The following PIK3R4 variants were observed in gnomAD, a reference collection of about 807,000 sequenced individuals.
The protein encoded by PIK3R4 is phosphoinositide-3-kinase regulatory subunit 4, also known as phosphoinositide 3-kinase regulatory subunit 4.
In PIK3R4, 46 loss-of-function variants were observed where a neutral mutation model predicts 136.5. The ratio of observed to expected loss-of-function variants is 0.34; its 90% CI spans 0.27 to 0.43. The LOEUF is 0.43. Among genes scored for constraint, PIK3R4 ranks in the 20% least tolerant of loss-of-function variants. The pLI is 1.00. For synonymous variants in PIK3R4, 557 were observed against 566.7 expected (o/e 0.98, Z 0.24); for missense variants, 1,331 against 1,649.5 (o/e 0.81, Z 3.35).
chr3:130,739,528 C>T (rs777692608), intron 2 of PIK3R4, among the ~76,000 whole-genome samples: 4 of 152,034 alleles, frequency 2.6e-5, no homozygotes, highest in Non-Finnish European at 4.4e-5. Context: ...TACACCACCA[C>T]GCCCAACTAA....
At chr3:130,696,097 CTT>C (rs1559821786) in intron 13 of PIK3R4, among the ~76,000 whole-genome samples, 1 of 151,992 alleles carries the variant, frequency 6.6e-6, no homozygotes, top group African/African-American at 2.4e-5. Flanking sequence ...TCATAGTACT[CTT>C]TTTTTATTTC....
chr3:130,692,629 T>G (rs1211746429), intron 13 of PIK3R4, among the ~76,000 whole-genome samples: 1 of 152,244 alleles, frequency 6.6e-6, no homozygotes, highest in East Asian at 1.9e-4. Context: ...ATTTCCACCT[T>G]TTGGCTATTA....
chr3:130,741,969 C>A (rs1318036031), intron 2 of PIK3R4, among the ~76,000 whole-genome samples: 1 of 152,140 alleles, frequency 6.6e-6, no homozygotes, highest in Admixed American at 6.5e-5. Flanking sequence ...CAACGTACAA[C>A]AAAACCATTT....
At position 130,708,498 on chromosome 3, in the gene PIK3R4, A is replaced by G. The variant is rs1366104542; in HGVS notation, c.2332-6T>C. On this transcript the variant is annotated splice_polypyrimidine_tract_variant and splice_region_variant and intron_variant, in intron 9 of 19. Transcript: ENST00000356763. ...TCCTCTTCCTCTGTCATTCCCTAAA[A>G]CCAAATAAAACCATATGTTCTAGTT... 1.2e-6 allele frequency: 2 copies of G among 1,603,804 alleles called. No homozygotes were observed. The highest frequency in any genetic ancestry group is 2.2e-5 in the East Asian group (1 of 44,652).
chr3:130,704,856 A>G (rs956729087), intron 12 of PIK3R4, among the ~76,000 whole-genome samples: 1 of 151,966 alleles, frequency 6.6e-6, no homozygotes, highest in Non-Finnish European at 1.5e-5. Flanking sequence ...TTTGAGACAG[A>G]GTCTTGCTCT....
chr3:130,696,951 G>A (rs572149289), intron 13 of PIK3R4, among the ~76,000 whole-genome samples: 3 of 149,644 alleles, frequency 2.0e-5, no homozygotes, highest in African/African-American at 7.4e-5. Context: ...GTTTGTAATT[G>A]TTATGTCTTC....
At chr3:130,742,067 G>A (rs1300385446) in intron 2 of PIK3R4, among the ~76,000 whole-genome samples, 1 of 152,180 alleles carries the variant, frequency 6.6e-6, no homozygotes, top group Non-Finnish European at 1.5e-5. Context: ...GTTTCCAAGA[G>A]CCTATCAAGG....
Position 130,716,603 on chromosome 3 carries a change from T to C in PIK3R4, c.2128-4A>G, listed in dbSNP as rs200630100. On this transcript the variant is annotated splice_region_variant and splice_polypyrimidine_tract_variant and intron_variant, in intron 8 of 19. Coordinates refer to ENST00000356763, the MANE Select transcript of PIK3R4 (RefSeq NM_014602.3). ...GCAGAACAAGTTTTCTTTCAATCTA[T>C]ATTGGAAAAATAAAAAGGATCAGCC... 5 of 1,593,300 alleles carry C rather than the reference T, an allele frequency of 3.1e-6. No individual in the cohort carries two copies. The highest frequency in any genetic ancestry group is 4.3e-6 in the Non-Finnish European group (5 of 1,168,396).
intron 2 of PIK3R4, among the ~76,000 whole-genome samples, chr3:130,742,553 G>A (rs1444239256): frequency 6.6e-6 from 1 of 152,134 alleles, no homozygotes; most frequent in Admixed American, 6.5e-5. Context: ...ACAACCTTGA[G>A]GCTAACCCTA....
At chr3:130,739,956 G>A (rs749344566) in intron 2 of PIK3R4, among the ~76,000 whole-genome samples, 1 of 152,096 alleles carries the variant, frequency 6.6e-6, no homozygotes, top group Non-Finnish European at 1.5e-5. Flanking sequence ...GTGACATAGA[G>A]AATGCATGTA....
intron 13 of PIK3R4, among the ~76,000 whole-genome samples, chr3:130,698,773 T>C (rs2066560550): frequency 1.3e-5 from 2 of 152,250 alleles, no homozygotes; most frequent in Non-Finnish European, 1.5e-5. Context: ...GTGTCAATTT[T>C]GGAAATAAGA....
intron 13 of PIK3R4, among the ~76,000 whole-genome samples, chr3:130,695,661 A>G (rs966325080): frequency 6.6e-6 from 1 of 152,182 alleles, no homozygotes; most frequent in Non-Finnish European, 1.5e-5. Context: ...TAGAGACTCT[A>G]TTCACATAAC....
chr3:130,684,197 A>G, intron 16 of PIK3R4, 53 bp downstream of exon 16: 1 of 1,542,928 alleles, frequency 6.5e-7, no homozygotes, highest in Non-Finnish European at 8.9e-7. Context: ...ACAGGTTATT[A>G]TGTACTTTCC....
chr3:130,681,598 G>T lies in PIK3R4; in HGVS notation c.3608-7C>A. 1 of 1,548,120 alleles carries T rather than the reference G, an allele frequency of 6.5e-7. No individual in the cohort carries two copies. ...TCGTTGTTGCCCTGAACAGCTAAAG[G>T]AAACAAAGGCCAGAATCTTGACTCA... On this transcript the variant is annotated splice_region_variant and splice_polypyrimidine_tract_variant and intron_variant, in intron 16 of 19. Coordinates refer to ENST00000356763, the MANE Select transcript of PIK3R4 (RefSeq NM_014602.3).
intron 2 of PIK3R4, among the ~76,000 whole-genome samples, chr3:130,737,577 T>C (rs2066793218): frequency 6.6e-6 from 1 of 152,056 alleles, no homozygotes. Flanking sequence ...GGAAAATCGC[T>C]TGAACCTGGG....
At chr3:130,735,028 G>C (rs1436118788) in intron 3 of PIK3R4, among the ~76,000 whole-genome samples, 1 of 152,116 alleles carries the variant, frequency 6.6e-6, no homozygotes, top group Non-Finnish European at 1.5e-5. Flanking sequence ...TATGCCCAAA[G>C]ACATGAAGTT....
chr3:130,683,199 C>T (rs932975725), intron 16 of PIK3R4, among the ~76,000 whole-genome samples: 3 of 152,086 alleles, frequency 2.0e-5, no homozygotes, highest in South Asian at 2.1e-4. Flanking sequence ...GTGGTGGAGA[C>T]ATTTAGTAGA....
intron 13 of PIK3R4, among the ~76,000 whole-genome samples, chr3:130,700,049 C>T (rs1276787098): frequency 1.3e-5 from 2 of 152,160 alleles, no homozygotes; most frequent in Non-Finnish European, 2.9e-5. Flanking sequence ...GAGAGGCCTA[C>T]ATATTCTTTT....
intron 15 of PIK3R4, among the ~76,000 whole-genome samples, chr3:130,685,625 A>G (rs2066485488): frequency 6.6e-6 from 1 of 152,218 alleles, no homozygotes; most frequent in African/African-American, 2.4e-5. Flanking sequence ...ATTTTTTAAA[A>G]TCCTGCTTAA....
Sources: allele counts gnomAD v4.1 joint callset (sites outside exome capture counted in the v4.1 genomes callset), GRCh38; gene constraint gnomAD v4.1.1; transcripts MANE v1.5; gene names NCBI Gene and HGNC (gene_info 2026-07-23, HGNC 2026-07-21).